DCT: variants seen among roughly 807,000 people sequenced by gnomAD.
DCT encodes the protein dopachrome tautomerase.
DCT carries 47 observed loss-of-function variants against 53.0 expected under a neutral mutation model. That is an observed-to-expected ratio of 0.89 (90% CI 0.70 to 1.13). The LOEUF (loss-of-function observed/expected upper bound fraction) is 1.13, where lower values mean the gene tolerates loss of function less well. Among genes scored for constraint, DCT ranks in the 50% most tolerant of loss-of-function variants. The pLI is 0.00. For synonymous variants in DCT, 244 were observed against 237.0 expected, an observed-to-expected ratio of 1.03 and a Z score of -0.27; for missense variants, 669 against 637.4, an observed-to-expected ratio of 1.05 and a Z score of -0.53.
the DCT span, among the ~76,000 whole-genome samples, chr13:94,531,788 A>C: frequency 6.6e-6 from 1 of 152,322 alleles, no homozygotes; most frequent in South Asian, 2.1e-4. Flanking sequence ...AAAATAGACA[A>C]ACAGGATTTA....
chr13:94,547,984 A>AAAAAAATATATATAT, the DCT span, among the ~76,000 whole-genome samples: 1 of 65,844 alleles, frequency 1.5e-5, no homozygotes, highest in African/African-American at 1.3e-4. Flanking sequence ...AAAAAAAAAA[A>AAAAAAATATATATAT]ATATATATAT....
chr13:94,463,667 G>C (rs1280374796), intron 4 of DCT, among the ~76,000 whole-genome samples: 4 of 152,190 alleles, frequency 2.6e-5, no homozygotes, highest in African/African-American at 9.7e-5. Flanking sequence ...CTGGCCTCAA[G>C]TGATCCCCCT....
In DCT at chr13:94,479,225, T is replaced by C. The variant is rs781710113; in HGVS notation, c.31A>G (p.Ser11Gly). MSPLWWGFLL[S>G]CLGCKILPGA... is the part of the protein sequence containing the mutation. The stretch of plus-strand genomic sequence containing the variant: ...GGCAGGATTTTGCAGCCCAAGCAAC[T>C]GAGCAGAAACCCCCACCAAAGGGGG... The change falls in exon 1 of 8, where the codon AGT (serine) becomes GGT (glycine). Residue 11 changes from serine (S) to glycine (G), a missense_variant. Physicochemically the swap from Ser to Gly is moderately conservative, Grantham distance 56. Coordinates refer to ENST00000377028, the MANE Select transcript of DCT (RefSeq NM_001922.5). The C allele has an allele frequency of 1.3e-6, 2 of 1,598,622 alleles. No individual in the cohort carries two copies. The highest frequency in any genetic ancestry group is 1.1e-5 in the South Asian group (1 of 90,540).
chr13:94,483,717 G>A (rs1288352598), upstream of DCT, among the ~76,000 whole-genome samples: 1 of 152,094 alleles, frequency 6.6e-6, no homozygotes, highest in Non-Finnish European at 1.5e-5. Context: ...GGCCAGGCCG[G>A]TCTCAAACTC....
the DCT span, among the ~76,000 whole-genome samples, chr13:94,538,957 G>T: frequency 6.6e-6 from 1 of 151,994 alleles, no homozygotes; most frequent in Non-Finnish European, 1.5e-5. Flanking sequence ...AGCTTCTAGG[G>T]GTTATCAGCC....
At chr13:94,487,714 T>C in the DCT span, among the ~76,000 whole-genome samples, 2 of 152,134 alleles carry the variant, frequency 1.3e-5, no homozygotes, top group Non-Finnish European at 2.9e-5. Context: ...ATCCTCCCCG[T>C]TTTTTAGCCC....
At chr13:94,495,010 A>G in the DCT span, among the ~76,000 whole-genome samples, 4 of 152,382 alleles carry the variant, frequency 2.6e-5, no homozygotes, top group East Asian at 7.7e-4. Context: ...TGCAACAAAC[A>G]TCCTCGTCAA....
intron 6 of DCT, chr13:94,444,431 G>T (rs1356092367): frequency 1.9e-6 from 1 of 515,926 alleles, no homozygotes; most frequent in East Asian, 5.5e-5. Flanking sequence ...GCCAGCAAAA[G>T]AAAGTCTAAA....
chr13:94,467,340 A>T (rs956000539), intron 2 of DCT: 6 of 151,816 alleles, frequency 4.0e-5, no homozygotes, highest in African/African-American at 7.2e-5. Context: ...TCCCTTTTTC[A>T]TAACAGCTTT....
the DCT span, among the ~76,000 whole-genome samples, chr13:94,503,886 G>A: frequency 6.6e-6 from 1 of 152,148 alleles, no homozygotes; most frequent in Non-Finnish European, 1.5e-5. Context: ...TTTCAAGTGG[G>A]GGTCCTGGCT....
chr13:94,519,190 C>G, the DCT span, among the ~76,000 whole-genome samples: 10 of 152,170 alleles, frequency 6.6e-5, no homozygotes, highest in Non-Finnish European at 1.0e-4. Context: ...GGCACATACC[C>G]AAGTGAAATT....
At chr13:94,526,333 C>T in the DCT span, among the ~76,000 whole-genome samples, 2 of 152,198 alleles carry the variant, frequency 1.3e-5, no homozygotes, top group African/African-American at 4.8e-5. Flanking sequence ...AAATCCAGCA[C>T]AAAGAATTTC....
In DCT at chr13:94,479,179, G is replaced by A. The variant is rs1247602842; in HGVS notation, c.77C>T (p.Pro26Leu). 1.3e-5 allele frequency: 21 copies of A among 1,612,518 alleles called. No homozygotes were observed. Among genetic ancestry groups the A allele is most frequent in the African/African-American group, 2.7e-5 (2 of 74,884 alleles). The stretch of plus-strand genomic sequence containing the variant: ...GCTGTCCACCGTCATGCAGACTCGG[G>A]GGAACTGACCCTGGGCTCCTGGCAG... Reference protein sequence around the residue: ...KILPGAQGQFPRVCMTVDSLV... With the variant: ...KILPGAQGQFLRVCMTVDSLV... Residue 26 changes from proline (P) to leucine (L), a missense_variant, in exon 1 of 8, where the codon CCC (proline) becomes CTC (leucine). By Grantham distance (98) the Pro-to-Leu change is moderately conservative. Transcript: ENST00000377028.
chr13:94,443,346 G>A, intron 7 of DCT, 90 bp downstream of exon 7: 2 of 1,059,626 alleles, frequency 1.9e-6, no homozygotes, highest in South Asian at 2.7e-5. Flanking sequence ...TCGGCTAAAG[G>A]TCTTGGTTTA....
the DCT span, among the ~76,000 whole-genome samples, chr13:94,489,186 T>C: frequency 6.6e-6 from 1 of 152,294 alleles, no homozygotes; most frequent in African/African-American, 2.4e-5. Context: ...GTACTTAGTT[T>C]AAAAATTTCG....
At chr13:94,514,012 G>A in the DCT span, among the ~76,000 whole-genome samples, 767 of 84,034 alleles carry the variant, frequency 9.1e-3, 1 homozygote, top group African/African-American at 0.031. Context: ...AAAAAAAAAA[G>A]ATAGATACCT....
chr13:94,486,308 A>T, the DCT span, among the ~76,000 whole-genome samples: 3,217 of 152,272 alleles, frequency 0.021, 51 homozygotes, highest in Middle Eastern at 0.041. Flanking sequence ...TTAAATTCCA[A>T]GAAACTGCTG....
Position 94,438,553 on chromosome 13 carries a change from A to G in DCT, c.*1345T>C. On this transcript the variant is annotated 3_prime_UTR_variant, in exon 8 of 8. Transcript: ENST00000377028. ...TCTTTACATTCATTCATTCCAGTAG[A>G]GAGGGGCCTCGACAGACAAGCCACG... 1 of 455,372 alleles carries G rather than the reference A, an allele frequency of 2.2e-6. No individual in the cohort carries two copies. The highest frequency in any genetic ancestry group is 4.4e-6 in the Non-Finnish European group (1 of 226,564). The allele number at this position is 455,372 out of a possible 1,614,324, so 28.2% of individuals were successfully genotyped here. A position where few individuals can be genotyped will look rare whatever the true frequency, so the allele number is the denominator to read the frequency against.
chr13:94,447,228 C>A (rs1882790349), intron 6 of DCT, among the ~76,000 whole-genome samples: 3 of 152,164 alleles, frequency 2.0e-5, no homozygotes, highest in African/African-American at 7.2e-5. Context: ...GCACCAGGGA[C>A]TGGTTTTCGA....
Sources: gnomAD v4.1 joint callset for allele counts (sites outside exome capture counted in the v4.1 genomes callset) on GRCh38, gnomAD v4.1.1 for gene constraint, MANE v1.5 for transcripts, NCBI Gene and HGNC (gene_info 2026-07-23, HGNC 2026-07-21) for gene names.